The following MAPK4 variants were observed in gnomAD, a reference collection of about 807,000 sequenced individuals.
MAPK4 encodes mitogen-activated protein kinase 4.
Under a neutral mutation model 47.7 loss-of-function variants are expected in MAPK4, and 22 were observed. The ratio of observed to expected loss-of-function variants is 0.46; its 90% CI spans 0.33 to 0.66. MAPK4 has a LOEUF of 0.66. Among genes scored for constraint, MAPK4 ranks in the 30% least tolerant of loss-of-function variants. The pLI, the probability that MAPK4 is intolerant of heterozygous loss-of-function variation, is 0.02. For missense variants in MAPK4, 736 were observed against 831.7 expected, an observed-to-expected ratio of 0.88 and a Z score of 1.42; for synonymous variants, 390 against 365.7, an observed-to-expected ratio of 1.07 and a Z score of -0.76.
intron 1 of MAPK4, among the ~76,000 whole-genome samples, chr18:50,563,173 T>C (rs1315449096): frequency 6.6e-6 from 1 of 152,168 alleles, no homozygotes; most frequent in African/African-American, 2.4e-5. Flanking sequence ...ATGGTAAGTA[T>C]TAGATGAATG....
intron 1 of MAPK4, among the ~76,000 whole-genome samples, chr18:50,629,023 TGG>T (rs2042805830): frequency 2.0e-5 from 3 of 152,250 alleles, no homozygotes; most frequent in African/African-American, 7.2e-5. Flanking sequence ...TGAAGCCTTG[TGG>T]TATACCTAAT....
In MAPK4 at chr18:50,698,264, A is replaced by G. The variant is rs144767717; in HGVS notation, c.547-16815A>G. On this transcript the variant is annotated intron_variant, in intron 2 of 5. Transcript: ENST00000400384. ...GGCATTCAAACAGCCCTAAATTATC[A>G]AGGAACATAACTATAGACACAACAG... 5.4e-3 allele frequency among the ~76,000 whole-genome samples: 830 copies of G among 152,312 alleles called. 2 individuals are homozygous for G. Among genetic ancestry groups the G allele is most frequent in the African/African-American group, 0.019 (772 of 41,562 alleles).
At chr18:50,720,621 A>G (rs1910886385) in intron 3 of MAPK4, among the ~76,000 whole-genome samples, 1 of 152,048 alleles carries the variant, frequency 6.6e-6, no homozygotes, top group African/African-American at 2.4e-5. Flanking sequence ...GTGTATTACT[A>G]GTTTGTGTGT....
chr18:50,704,931 G>A (rs1422949785), intron 2 of MAPK4: 2 of 396,924 alleles, frequency 5.0e-6, no homozygotes, highest in Non-Finnish European at 8.9e-6. Flanking sequence ...AGTGCTTTTG[G>A]ACTCACATTT....
At chr18:50,669,342 G>T (rs776047040) in intron 2 of MAPK4, 4 of 152,260 alleles carry the variant, frequency 2.6e-5, no homozygotes, top group Non-Finnish European at 5.9e-5. Context: ...ACTGAGCACT[G>T]TGTAAGGCTT....
rs568234299 is a variant in MAPK4 at position 50,622,629 on chromosome 18, A to C, written c.-870-40460A>C. Among the ~76,000 whole-genome samples, 22 of 152,324 alleles carry C rather than the reference A, an allele frequency of 1.4e-4. No individual in the cohort carries two copies. The South Asian group carries it at 3.9e-3, about 27-fold the overall frequency. On this transcript the variant is annotated intron_variant, in intron 1 of 5. Transcript: ENST00000400384. ...TACTGCCCTCAGAGAGGCACTCAAT[A>C]AACATTGACACATGGGCTGAGAACA...
chr18:50,678,202 G>A lies in MAPK4; in HGVS notation c.546+13698G>A, dbSNP rs1019182692. Among the ~76,000 whole-genome samples, 1 of 152,204 alleles carries A rather than the reference G, an allele frequency of 6.6e-6. No homozygotes were observed. Among genetic ancestry groups the A allele is most frequent in the African/African-American group, 2.4e-5 (1 of 41,442 alleles). ...CGATAAAGGGAGTGAAGATGAGTGG[G>A]AACAAGTCAGAAAATTCTTACTGTA... On this transcript the variant is annotated intron_variant, in intron 2 of 5. Transcript: ENST00000400384. This position sits in a 1 kb window ranked among gnomAD's most constrained non-coding sequence, Gnocchi z 4.2.
At chr18:50,573,253 C>G (rs2042265357) in intron 1 of MAPK4, among the ~76,000 whole-genome samples, 1 of 152,204 alleles carries the variant, frequency 6.6e-6, no homozygotes, top group Non-Finnish European at 1.5e-5. Flanking sequence ...AATTTAACCT[C>G]TAGACCAGGG....
chr18:50,714,821 C>A (rs1910552717), intron 2 of MAPK4, among the ~76,000 whole-genome samples: 4 of 152,164 alleles, frequency 2.6e-5, no homozygotes. Flanking sequence ...TATTAATAAC[C>A]TGAATTCCTT....
chr18:50,714,075 CTG>C (rs1231154738), intron 2 of MAPK4, among the ~76,000 whole-genome samples: 2 of 152,180 alleles, frequency 1.3e-5, no homozygotes, highest in African/African-American at 4.8e-5. Context: ...TAACCTGAGA[CTG>C]TGATACTTCT....
chr18:50,592,226 G>T (rs533491281), intron 1 of MAPK4, among the ~76,000 whole-genome samples: 1 of 152,246 alleles, frequency 6.6e-6, no homozygotes, highest in East Asian at 1.9e-4. Context: ...GCCAGAAGAG[G>T]GTTCAAGGAC....
intron 1 of MAPK4, among the ~76,000 whole-genome samples, chr18:50,565,732 C>T (rs2042193251): frequency 6.6e-6 from 1 of 152,170 alleles, no homozygotes; most frequent in African/African-American, 2.4e-5. Flanking sequence ...CACTGTGATA[C>T]AGTTGCCTAC....
chr18:50,727,842 GC>G (rs1340613736), intron 5 of MAPK4, among the ~76,000 whole-genome samples: 1 of 152,210 alleles, frequency 6.6e-6, no homozygotes, highest in Non-Finnish European at 1.5e-5. Context: ...CAACTGTAAA[GC>G]GGGGGTGATA....
chr18:50,673,674 G>T (rs1257117575), intron 2 of MAPK4, among the ~76,000 whole-genome samples: 1 of 152,110 alleles, frequency 6.6e-6, no homozygotes, highest in East Asian at 1.9e-4. Flanking sequence ...GGCTAACATG[G>T]TGAAACCCAG....
intron 3 of MAPK4, among the ~76,000 whole-genome samples, chr18:50,716,985 C>T (rs1219169693): frequency 2.6e-5 from 4 of 152,298 alleles, no homozygotes; most frequent in Non-Finnish European, 5.9e-5. Flanking sequence ...CTTGTCCTCC[C>T]GTGCCAGCAC....
intron 1 of MAPK4, among the ~76,000 whole-genome samples, chr18:50,617,786 C>T (rs75657963): frequency 0.018 from 2,743 of 152,302 alleles, 37 homozygotes; most frequent in Middle Eastern, 0.031. Context: ...GTAAGAAGAC[C>T]TTAAGCCACC....
At chr18:50,592,146 G>T (rs993737262) in intron 1 of MAPK4, among the ~76,000 whole-genome samples, 2 of 152,302 alleles carry the variant, frequency 1.3e-5, no homozygotes, top group East Asian at 1.9e-4. Context: ...TGTAGACCTT[G>T]CCTGTCATGA....
intron 1 of MAPK4, among the ~76,000 whole-genome samples, chr18:50,647,908 C>T (rs1034630422): frequency 1.3e-5 from 2 of 152,200 alleles, no homozygotes; most frequent in African/African-American, 4.8e-5. Context: ...CCCCCAAGCA[C>T]CTCTTCCAAA....
intron 1 of MAPK4, among the ~76,000 whole-genome samples, chr18:50,603,641 G>A (rs2042559582): frequency 6.6e-6 from 1 of 151,932 alleles, no homozygotes; most frequent in South Asian, 2.1e-4. Flanking sequence ...CTCCTCATGG[G>A]CCTGTATGTA....
Sources: allele counts gnomAD v4.1 joint callset (sites outside exome capture counted in the v4.1 genomes callset), GRCh38; gene constraint gnomAD v4.1.1; non-coding constraint Gnocchi (gnomAD v3.1); transcripts MANE v1.5; gene names NCBI Gene and HGNC (gene_info 2026-07-23, HGNC 2026-07-21).